The following TNRC18 variants were observed in gnomAD, a reference collection of about 807,000 sequenced individuals.
The protein encoded by TNRC18 is trinucleotide repeat containing 18.
In TNRC18, 69 loss-of-function variants were observed where a neutral mutation model predicts 226.7. That is an observed-to-expected ratio of 0.30 (90% confidence interval 0.25 to 0.37). TNRC18 has a LOEUF of 0.37. Ranked by LOEUF, TNRC18 falls within the 10% of genes least tolerant of loss-of-function variation. TNRC18 has a pLI of 1.00. For missense variants in TNRC18, 4,754 were observed against 4,256.6 expected, an observed-to-expected ratio of 1.12 and a Z score of -3.25; for synonymous variants, 2,449 against 1,927.6, an observed-to-expected ratio of 1.27 and a Z score of -7.09.
chr7:5,321,749 G>A (rs976185901), intron 21 of TNRC18, among the ~76,000 whole-genome samples: 7 of 151,694 alleles, frequency 4.6e-5, no homozygotes, highest in East Asian at 2.0e-4. Context: ...TCGGCTCACT[G>A]CAACCTCTGC....
chr7:5,392,211 C>G (rs1048123331), intron 3 of TNRC18, among the ~76,000 whole-genome samples: 1 of 152,208 alleles, frequency 6.6e-6, no homozygotes, highest in Admixed American at 6.6e-5. Context: ...TGCCTGTAAT[C>G]CCAGCATTTT....
rs990583844 is a variant in TNRC18 at position 5,313,271 on chromosome 7, G to A, written c.7620C>T (p.Asn2540=). 9 of 1,548,570 alleles carry A rather than the reference G, an allele frequency of 5.8e-6. No individual in the cohort carries two copies. Among genetic ancestry groups the A allele is most frequent in the African/African-American group, 1.4e-5 (1 of 72,976 alleles). ...CCTGGGCCTTGTCTGGGCTCTTGGG[G>A]TTCCCAGAGTCCTCGAACGTGAGCC... ...GPGLTFEDSG[N]PKSPDKAQAE... The change falls in exon 27 of 30, where the codon AAC becomes AAT. Residue 2540 remains asparagine, a synonymous_variant. Coordinates refer to ENST00000430969, the MANE Select transcript of TNRC18 (RefSeq NM_001080495.3).
chr7:5,333,364 T>G (rs1404470214), intron 18 of TNRC18, among the ~76,000 whole-genome samples: 2 of 152,184 alleles, frequency 1.3e-5, no homozygotes, highest in African/African-American at 4.8e-5. Context: ...CCAGGGCAGC[T>G]GGGCAGGACG....
Position 5,324,171 on chromosome 7 carries a change from T to C in TNRC18, c.6442+43A>G. 1 of 1,549,068 alleles carries C rather than the reference T, an allele frequency of 6.5e-7. No individual in the cohort carries two copies. Among genetic ancestry groups the C allele is most frequent in the South Asian group, 1.2e-5 (1 of 85,834 alleles). On this transcript the variant is annotated intron_variant, in intron 21 of 29. Coordinates refer to ENST00000430969, the MANE Select transcript of TNRC18 (RefSeq NM_001080495.3). This position sits in a 1 kb window ranked among gnomAD's most constrained non-coding sequence, Gnocchi z 4.8. ...CAGATCTGCCTCCCCCAAGGGAGGC[T>C]CCAGCAGCCCCGCCCGGCACATGTG...
At chr7:5,387,339 G>A (rs1244076691) in intron 5 of TNRC18, among the ~76,000 whole-genome samples, 4 of 152,204 alleles carry the variant, frequency 2.6e-5, no homozygotes, top group Non-Finnish European at 5.9e-5. Context: ...GTCCCTCGAT[G>A]ACTTCAAATT....
intron 18 of TNRC18, among the ~76,000 whole-genome samples, chr7:5,333,798 G>GTC (rs1789809648): frequency 6.6e-6 from 1 of 152,144 alleles, no homozygotes; most frequent in Non-Finnish European, 1.5e-5. Flanking sequence ...CCTTCAGAAG[G>GTC]AGACCCACCC....
At chr7:5,366,924 G>A (rs1793678664) in intron 11 of TNRC18, among the ~76,000 whole-genome samples, 2 of 152,266 alleles carry the variant, frequency 1.3e-5, no homozygotes, top group South Asian at 4.1e-4. Context: ...GGGTTCAGTC[G>A]TGTCCCCACT....
chr7:5,370,190 G>C (rs768603564), intron 11 of TNRC18, among the ~76,000 whole-genome samples, 185 bp downstream of exon 11: 1 of 152,098 alleles, frequency 6.6e-6, no homozygotes, highest in Non-Finnish European at 1.5e-5. Flanking sequence ...GGGCATGGTG[G>C]TGGACGCCTG....
rs558239871 is a variant in TNRC18 at position 5,370,880 on chromosome 7, G to A, written c.3714C>T (p.Pro1238=). ...CCCCCAGGTCCAGGGCGGCGGTGCA[G>A]GGTTCTGTCCGGCCCGGGGAATCCA... ...PRVDSPGRTE[P]CTAALDLGVQ... is the part of the protein sequence containing the mutation. The change falls in exon 11 of 30, where the codon CCC becomes CCT. Residue 1238 remains proline (P), a synonymous_variant. Transcript: ENST00000430969. 4 of 1,607,546 alleles carry A rather than the reference G, an allele frequency of 2.5e-6. No homozygotes were observed. The East Asian group carries it at 8.9e-5, about 36-fold the overall frequency.
chr7:5,385,035 G>A (rs998971432), intron 5 of TNRC18, among the ~76,000 whole-genome samples: 27 of 152,250 alleles, frequency 1.8e-4, no homozygotes, highest in African/African-American at 6.5e-4. Context: ...TCTGGAGCTC[G>A]GCCAGAGACA....
At chr7:5,385,239 G>A (rs981746634) in intron 5 of TNRC18, among the ~76,000 whole-genome samples, 18 of 152,016 alleles carry the variant, frequency 1.2e-4, no homozygotes, top group African/African-American at 3.6e-4. Flanking sequence ...GTAATCCCAG[G>A]ACTTCAGGAG....
intron 2 of TNRC18, among the ~76,000 whole-genome samples, chr7:5,398,517 C>T (rs193062772): frequency 1.2e-3 from 185 of 151,940 alleles, no homozygotes; most frequent in African/African-American, 3.9e-3. Context: ...TGAGGTCTTG[C>T]GATGTTGCCC....
At chr7:5,369,598 G>A (rs552623534) in intron 11 of TNRC18, among the ~76,000 whole-genome samples, 3 of 152,016 alleles carry the variant, frequency 2.0e-5, no homozygotes, top group South Asian at 2.1e-4. Flanking sequence ...GGAAGGAGAC[G>A]GGGACACAGA....
At chr7:5,392,070 C>T (rs1464454119) in intron 3 of TNRC18, among the ~76,000 whole-genome samples, 4 of 151,830 alleles carry the variant, frequency 2.6e-5, no homozygotes, top group African/African-American at 9.7e-5. Flanking sequence ...TCCACTGGGC[C>T]GATGTCTTCT....
intron 17 of TNRC18, among the ~76,000 whole-genome samples, chr7:5,348,982 G>A (rs1161079890): frequency 6.6e-6 from 1 of 151,208 alleles, no homozygotes; most frequent in Non-Finnish European, 1.5e-5. Context: ...TGGGGTGGGG[G>A]CAGGGGGTTG....
intron 2 of TNRC18, chr7:5,420,464 C>T: frequency 2.2e-6 from 1 of 452,716 alleles, no homozygotes; most frequent in Admixed American, 2.4e-5. Context: ...TTCCCAGGGC[C>T]GCCGTTCTCC....
intron 19 of TNRC18, among the ~76,000 whole-genome samples, chr7:5,332,074 G>A (rs780125292): frequency 6.6e-6 from 1 of 152,106 alleles, no homozygotes; most frequent in Non-Finnish European, 1.5e-5. Flanking sequence ...TTCCTTTGGG[G>A]TCCCAGGTAT....
chr7:5,419,052 C>G (rs1486019832), intron 2 of TNRC18, among the ~76,000 whole-genome samples: 1 of 152,236 alleles, frequency 6.6e-6, no homozygotes, highest in South Asian at 2.1e-4. Flanking sequence ...CCTCGGCGTG[C>G]AGAAGTCAGG....
intron 17 of TNRC18, among the ~76,000 whole-genome samples, chr7:5,349,677 C>T (rs1458348940): frequency 2.0e-5 from 3 of 152,202 alleles, no homozygotes; most frequent in Non-Finnish European, 2.9e-5. Context: ...CTTCGCTTTG[C>T]GTCCAGAGTG....
Sources: gnomAD v4.1 joint callset for allele counts (sites outside exome capture counted in the v4.1 genomes callset) on GRCh38, gnomAD v4.1.1 for gene constraint, Gnocchi (gnomAD v3.1) non-coding constraint, MANE v1.5 for transcripts, NCBI Gene and HGNC (gene_info 2026-07-23, HGNC 2026-07-21) for gene names.